Variants in SNTG1 observed in about 807,000 individuals in gnomAD.
SNTG1 encodes the protein syntrophin gamma 1, also known as gamma-1-syntrophin.
A neutral mutation model predicts 74.7 loss-of-function variants in SNTG1; 39 were observed. The ratio of observed to expected loss-of-function variants is 0.52; its 90% confidence interval spans 0.40 to 0.68. SNTG1 has a LOEUF of 0.68. Among genes scored for constraint, SNTG1 ranks in the 30% least tolerant of loss-of-function variants. SNTG1 has a pLI of 0.00. For missense variants in SNTG1, 685 were observed against 609.5 expected, an observed-to-expected ratio of 1.12 and a Z score of -1.30; for synonymous variants, 254 against 217.1, an observed-to-expected ratio of 1.17 and a Z score of -1.49.
At chr8:50,781,495 A>T (rs2095659272) in intron 18 of SNTG1, among the ~76,000 whole-genome samples, 1 of 151,930 alleles carries the variant, frequency 6.6e-6, no homozygotes, top group African/African-American at 2.4e-5. Flanking sequence ...TGTTGGTTTA[A>T]AGTCTGTTTC....
At chr8:50,338,013 G>T (rs1320412039) in intron 2 of SNTG1, among the ~76,000 whole-genome samples, 2 of 151,962 alleles carry the variant, frequency 1.3e-5, no homozygotes, top group Non-Finnish European at 2.9e-5. Context: ...GCGGGCGCCT[G>T]TAGTCCCAGC....
At chr8:50,663,131 G>C (rs1464305529) in intron 15 of SNTG1, among the ~76,000 whole-genome samples, 1 of 152,062 alleles carries the variant, frequency 6.6e-6, no homozygotes, top group Non-Finnish European at 1.5e-5. Flanking sequence ...GGAGCAACCT[G>C]GTCCAAGGAA....
At chr8:50,015,973 G>A (rs180887496) in intron 1 of SNTG1, among the ~76,000 whole-genome samples, 1 of 152,076 alleles carries the variant, frequency 6.6e-6, no homozygotes, top group Non-Finnish European at 1.5e-5. Flanking sequence ...TGTTGTTGTG[G>A]AGAAGAATTG....
chr8:50,273,257 T>C (rs2087889509), intron 2 of SNTG1, among the ~76,000 whole-genome samples: 1 of 152,162 alleles, frequency 6.6e-6, no homozygotes, highest in South Asian at 2.1e-4. Flanking sequence ...TGAAGTTTCA[T>C]ACTAAGAGCC....
chr8:50,519,927 T>G (rs1389444694), intron 9 of SNTG1, among the ~76,000 whole-genome samples: 2 of 151,296 alleles, frequency 1.3e-5, no homozygotes, highest in Non-Finnish European at 3.0e-5. Context: ...TCACAGAATT[T>G]GAAAAAAAAC....
intron 13 of SNTG1, among the ~76,000 whole-genome samples, chr8:50,599,252 T>G (rs2130920257): frequency 6.6e-6 from 1 of 152,242 alleles, no homozygotes; most frequent in African/African-American, 2.4e-5. Flanking sequence ...CCATGCCATT[T>G]TTCTTACTAT....
At chr8:50,554,477 C>CT (rs11435822) in intron 12 of SNTG1, among the ~76,000 whole-genome samples, 13,270 of 140,978 alleles carry the variant, frequency 0.094, 1,234 homozygotes, top group African/African-American at 0.23. Flanking sequence ...ACAGATTTTC[C>CT]TTTTTTTTTT....
chr8:50,653,164 C>T (rs1011090273), intron 13 of SNTG1, among the ~76,000 whole-genome samples: 3 of 151,720 alleles, frequency 2.0e-5, no homozygotes, highest in African/African-American at 7.3e-5. Context: ...TCATAAGAAG[C>T]GAGGCATGAT....
intron 5 of SNTG1, among the ~76,000 whole-genome samples, chr8:50,442,755 A>T (rs948589012): frequency 6.6e-6 from 1 of 150,900 alleles, no homozygotes; most frequent in African/African-American, 2.4e-5. Context: ...AAAAAGCCCT[A>T]TCTGGGCTTC....
At chr8:50,016,605 A>G (rs1563476795) in intron 1 of SNTG1, among the ~76,000 whole-genome samples, 1 of 152,070 alleles carries the variant, frequency 6.6e-6, no homozygotes, top group African/African-American at 2.4e-5. Flanking sequence ...TCTCAGCCAA[A>G]TGCATTGTTG....
intron 1 of SNTG1, among the ~76,000 whole-genome samples, chr8:50,155,459 AG>A (rs1337415675): frequency 6.6e-6 from 1 of 152,180 alleles, no homozygotes; most frequent in Non-Finnish European, 1.5e-5. Context: ...CAACAGTTAT[AG>A]AAAAAAAAAT....
intron 2 of SNTG1, among the ~76,000 whole-genome samples, chr8:50,392,558 A>T (rs538002501): frequency 6.6e-6 from 1 of 152,316 alleles, no homozygotes; most frequent in African/African-American, 2.4e-5. Context: ...CTTTAGCAAG[A>T]GTAACTTCAT....
At chr8:50,626,379 C>T (rs543122225) in intron 13 of SNTG1, among the ~76,000 whole-genome samples, 14 of 152,066 alleles carry the variant, frequency 9.2e-5, no homozygotes, top group Non-Finnish European at 1.3e-4. Context: ...AAGACCAGCT[C>T]GGTTGAGGAG....
chr8:50,765,218 A>G (rs1478186983), intron 18 of SNTG1, among the ~76,000 whole-genome samples: 2 of 152,076 alleles, frequency 1.3e-5, no homozygotes, highest in African/African-American at 4.8e-5. Flanking sequence ...CTTTGCAGGC[A>G]TGAGTGGGTA....
At chr8:50,123,464 T>C (rs1474140364) in intron 1 of SNTG1, among the ~76,000 whole-genome samples, 5 of 142,392 alleles carry the variant, frequency 3.5e-5, no homozygotes, top group Admixed American at 7.2e-5. Flanking sequence ...AATTATAGTT[T>C]TATTCACTGC....
At chr8:50,500,890 A>G (rs1024621233) in intron 8 of SNTG1, among the ~76,000 whole-genome samples, 2 of 152,094 alleles carry the variant, frequency 1.3e-5, no homozygotes. Flanking sequence ...AGGTAGGATA[A>G]TGGGGACCTT....
intron 12 of SNTG1, among the ~76,000 whole-genome samples, chr8:50,553,814 A>G (rs2130615093): frequency 6.6e-6 from 1 of 152,332 alleles, no homozygotes; most frequent in South Asian, 2.1e-4. Context: ...AATATAGTCT[A>G]ACAAAATATA....
At chr8:50,504,058 A>C (rs1170468467) in intron 9 of SNTG1, among the ~76,000 whole-genome samples, 1 of 152,134 alleles carries the variant, frequency 6.6e-6, no homozygotes, top group Non-Finnish European at 1.5e-5. Flanking sequence ...GTTCTCATCA[A>C]ATAGCTCTCA....
chr8:50,155,663 AG>A (rs763945903), intron 1 of SNTG1, among the ~76,000 whole-genome samples: 4 of 152,034 alleles, frequency 2.6e-5, no homozygotes, highest in Non-Finnish European at 4.4e-5. Flanking sequence ...TGTAAGATGA[AG>A]CTTAGAGGGA....
Sources: gnomAD v4.1 joint callset for allele counts (sites outside exome capture counted in the v4.1 genomes callset) on GRCh38, gnomAD v4.1.1 for gene constraint, MANE v1.5 for transcripts, NCBI Gene and HGNC (gene_info 2026-07-23, HGNC 2026-07-21) for gene names.